HEATR6: variants seen among roughly 807,000 people sequenced by gnomAD.
The protein encoded by HEATR6 is HEAT repeat-containing protein 6.
In HEATR6, 106 loss-of-function variants were observed where a neutral mutation model predicts 132.8. The observed-to-expected ratio is 0.80, with a 90% CI of 0.68 to 0.94. The LOEUF (loss-of-function observed/expected upper bound fraction) is 0.94. Among genes scored for constraint, HEATR6 ranks in the 40% least tolerant of loss-of-function variants. HEATR6 has a pLI of 0.00. For synonymous variants in HEATR6, 529 were observed against 537.8 expected (o/e 0.98, Z 0.23); for missense variants, 1,339 against 1,425.1 (o/e 0.94, Z 0.97).
At chr17:60,055,482 A>C in intron 14 of HEATR6, 33 bp downstream of exon 14, 1 of 1,467,312 alleles carries the variant, frequency 6.8e-7, no homozygotes, top group Non-Finnish European at 9.4e-7. Flanking sequence ...TGAAGCATTA[A>C]TAAAAGAAAA....
intron 1 of HEATR6, 63 bp from the exon 2 acceptor site, chr17:60,076,300 C>T: frequency 1.2e-6 from 1 of 801,248 alleles, no homozygotes; most frequent in Non-Finnish European, 2.0e-6. Flanking sequence ...CCTCAAAACA[C>T]AGCCAAATGG....
At chr17:60,050,525 C>T (rs867459952) in intron 15 of HEATR6, among the ~76,000 whole-genome samples, 1 of 152,124 alleles carries the variant, frequency 6.6e-6, no homozygotes, top group Non-Finnish European at 1.5e-5. Flanking sequence ...GCTAGCAAGT[C>T]GAAGAGCTGG....
intron 7 of HEATR6, 27 bp from the exon 8 acceptor site, chr17:60,067,759 A>G (rs1199668848): frequency 5.1e-6 from 8 of 1,564,806 alleles, no homozygotes; most frequent in Non-Finnish European, 6.1e-6. Flanking sequence ...ATGAAGACAT[A>G]TATAATAACT....
Position 60,057,104 on chromosome 17 carries a change from C to G in HEATR6, c.2023G>C (p.Gly675Arg), listed in dbSNP as rs1171129331. 6.2e-7 allele frequency: 1 copy of G among 1,613,802 alleles called. No individual in the cohort carries two copies. The highest frequency in any genetic ancestry group is 1.3e-5 in the African/African-American group (1 of 74,914). ...KEDSCSGSDAGSAAGSTYEPS... is the reference protein window; with the variant it reads ...KEDSCSGSDARSAAGSTYEPS... Reference sequence around the variant, plus strand: ...TCGTAGGTGCTTCCTGCTGCAGAGCCAGCATCGCTACCTGAACAGGAATCC... The same window carrying G: ...TCGTAGGTGCTTCCTGCTGCAGAGCGAGCATCGCTACCTGAACAGGAATCC... The change falls in exon 12 of 20, where the codon GGC becomes CGC. Residue 675 changes from glycine (G) to arginine (R), a missense_variant. Transcript: ENST00000184956.
chr17:60,065,805 C>T (rs530908622), intron 9 of HEATR6, among the ~76,000 whole-genome samples: 6 of 152,268 alleles, frequency 3.9e-5, no homozygotes, highest in African/African-American at 1.4e-4. Flanking sequence ...TTTTCTAAGC[C>T]TTATGCATCC....
At chr17:60,059,818 T>C in intron 10 of HEATR6, 72 bp downstream of exon 10, 1 of 1,110,588 alleles carries the variant, frequency 9.0e-7, no homozygotes. Flanking sequence ...CAAGTTACTT[T>C]TGAGCTATGT....
chr17:60,076,989 C>T (rs2083300526), intron 1 of HEATR6, among the ~76,000 whole-genome samples: 1 of 150,822 alleles, frequency 6.6e-6, no homozygotes, highest in Non-Finnish European at 1.5e-5. Flanking sequence ...AAGTCACACT[C>T]TTCATCCATC....
At chr17:60,073,956 G>C (rs2083283916) in intron 2 of HEATR6, 70 bp from the exon 3 acceptor site, 1 of 1,549,414 alleles carries the variant, frequency 6.5e-7, no homozygotes, top group South Asian at 1.3e-5. Context: ...GGACATGTAT[G>C]CTCACCTGAA....
Position 60,043,861 on chromosome 17 carries a change from G to A in HEATR6, c.3248C>T (p.Ala1083Val), listed in dbSNP as rs1430970577. ...CATACAAGGGAGGTCCGAGGCACTG[G>A]CCAAGCTCAAGAGGTGAATCAGTGC... ...CQALIHLLSLASASDLPCMKE... is the reference protein window; with the variant it reads ...CQALIHLLSLVSASDLPCMKE... Residue 1083 changes from alanine (A) to valine (V), a missense_variant, in exon 20 of 20, where the codon GCC (alanine) becomes GTC (valine). Coordinates refer to ENST00000184956, the MANE Select transcript of HEATR6 (RefSeq NM_022070.5). 6.2e-7 allele frequency: 1 copy of A among 1,614,176 alleles called. No homozygotes were observed. Among genetic ancestry groups the A allele is most frequent in the Admixed American group, 1.7e-5 (1 of 60,018 alleles).
intron 12 of HEATR6, 106 bp downstream of exon 12, chr17:60,056,942 G>A (rs1275950557): frequency 2.7e-5 from 20 of 737,228 alleles, no homozygotes; most frequent in East Asian, 2.2e-4. Context: ...CAATTCCCAC[G>A]AACACAATTG....
chr17:60,049,336 C>G (rs1906503219), intron 16 of HEATR6, among the ~76,000 whole-genome samples: 1 of 151,822 alleles, frequency 6.6e-6, no homozygotes, highest in South Asian at 2.1e-4. Context: ...TGCCAAGTTG[C>G]CCAGGCTGGT....
Position 60,055,598 on chromosome 17 carries a change from G to C in HEATR6, c.2206C>G (p.Leu736Val). ...PSIQLHGAKL[L>V]EELGTGLIQQ... ...ATTAAGCCTGTGCCCAGTTCTTCCA[G>C]AAGCTGCCAAGAAAAAGAATTACCG... Residue 736 changes from leucine (L) to valine (V), a missense_variant, in exon 14 of 20, where the codon CTG (leucine) becomes GTG (valine). Leu to Val is a conservative substitution (Grantham distance 32). Transcript: ENST00000184956. 6.2e-7 allele frequency: 1 copy of C among 1,608,036 alleles called. No homozygotes were observed.
intron 7 of HEATR6, among the ~76,000 whole-genome samples, chr17:60,069,359 T>A (rs1395342542): frequency 2.0e-5 from 3 of 152,158 alleles, no homozygotes; most frequent in African/African-American, 7.2e-5. Flanking sequence ...TACAATAGAG[T>A]TGGTAGTTAT....
At chr17:60,051,009 C>G in intron 14 of HEATR6, 32 bp from the exon 15 acceptor site, 2 of 1,610,846 alleles carry the variant, frequency 1.2e-6, no homozygotes, top group Non-Finnish European at 1.7e-6. Context: ...AGCTGCAGCC[C>G]AAGACATAAC....
rs1418259533 is a variant in HEATR6 at position 60,069,792 on chromosome 17, G to T, written c.858C>A (p.Tyr286Ter). ...CATCATACTGAGGAAGCGGAGTTGG[G>T]TATAACACCGTGGGCATCTCTATGT... is the stretch of plus-strand genomic sequence containing the variant. Reference protein sequence around the residue: ...GLNIEMPTVLYPTPLPQYDGR... With the variant: ...GLNIEMPTVL Residue 286 changes from tyrosine to a stop codon, truncating the protein, a stop_gained, in exon 7 of 20, where the codon TAC (tyrosine) becomes TAA (stop). Coordinates refer to ENST00000184956, the MANE Select transcript of HEATR6 (RefSeq NM_022070.5). LOFTEE classifies it high-confidence loss of function. The T allele has an allele frequency of 6.2e-7, 1 of 1,613,932 alleles. No homozygotes were observed. The highest frequency in any genetic ancestry group is 1.7e-5 in the Admixed American group (1 of 60,012).
chr17:60,044,352 A>T (rs373670356), intron 19 of HEATR6, among the ~76,000 whole-genome samples: 2 of 152,106 alleles, frequency 1.3e-5, no homozygotes, highest in African/African-American at 4.8e-5. Flanking sequence ...CTCTTTCCCT[A>T]CCTCAGCCTG....
In HEATR6 at chr17:60,073,825, T is replaced by G. The variant is rs1307933797; in HGVS notation, c.389A>C (p.Gln130Pro). The G allele has an allele frequency of 6.2e-7, 1 of 1,614,062 alleles. No individual in the cohort carries two copies. Among genetic ancestry groups the G allele is most frequent in the Non-Finnish European group, 8.5e-7 (1 of 1,179,868 alleles). Residue 130 changes from glutamine to proline, a missense_variant, in exon 3 of 20, where the codon CAG becomes CCG. Coordinates refer to ENST00000184956, the MANE Select transcript of HEATR6 (RefSeq NM_022070.5). ...LLAYTISAIH[Q>P]CSSWTHREIL... ...TTCCCTGTGTGTCCAGGAACTACAC[T>G]GATGAATAGCCGAAATAGTATATGC...
intron 13 of HEATR6, among the ~76,000 whole-genome samples, 188 bp from the exon 14 acceptor site, chr17:60,055,789 T>G (rs1204734613): frequency 6.6e-6 from 1 of 152,238 alleles, no homozygotes; most frequent in Non-Finnish European, 1.5e-5. Flanking sequence ...AGTTTGGAGA[T>G]CGCCTCAAAT....
At chr17:60,076,043 CA>C in intron 2 of HEATR6, 86 bp downstream of exon 2, 1 of 748,996 alleles carries the variant, frequency 1.3e-6, no homozygotes, top group South Asian at 1.6e-5. Context: ...AACAGCCTAT[CA>C]TACCTACTAC....
Sources: allele counts gnomAD v4.1 joint callset (sites outside exome capture counted in the v4.1 genomes callset), GRCh38; gene constraint gnomAD v4.1.1; transcripts MANE v1.5; gene names NCBI Gene and HGNC (gene_info 2026-07-23, HGNC 2026-07-21).